ACYP2: variants seen among roughly 807,000 people sequenced by gnomAD.
The protein encoded by ACYP2 is acylphosphatase 2.
Under a neutral mutation model 11.2 loss-of-function variants are expected in ACYP2, and 12 were observed. The ratio of observed to expected loss-of-function variants is 1.08; its 90% CI spans 0.69 to 1.74. ACYP2 has a LOEUF of 1.74. Ranked by LOEUF, ACYP2 falls within the 40% of genes most tolerant of loss-of-function variation. ACYP2 has a pLI of 0.00. For missense variants in ACYP2, 134 were observed against 101.9 expected, an observed-to-expected ratio of 1.31 and a Z score of -1.35; for synonymous variants, 43 against 32.2, an observed-to-expected ratio of 1.33 and a Z score of -1.13.
At chr2:54,219,908 T>A (rs1290129819) in intron 6 of ACYP2, among the ~76,000 whole-genome samples, 19 of 132,156 alleles carry the variant, frequency 1.4e-4, no homozygotes, top group African/African-American at 2.7e-4. Flanking sequence ...TATATATATT[T>A]TTTTTTTTTT....
At chr2:54,244,768 CATA>C (rs998040222) in intron 6 of ACYP2, among the ~76,000 whole-genome samples, 114 of 152,172 alleles carry the variant, frequency 7.5e-4, no homozygotes, top group Middle Eastern at 3.4e-3. Context: ...TGAATTGACA[CATA>C]ATAATTGTAC....
intron 6 of ACYP2, among the ~76,000 whole-genome samples, chr2:54,283,416 C>T (rs1688930670): frequency 6.6e-6 from 1 of 152,198 alleles, no homozygotes; most frequent in Non-Finnish European, 1.5e-5. Context: ...TCATTGCATG[C>T]TTTCCATGCC....
intron 2 of ACYP2, among the ~76,000 whole-genome samples, chr2:54,015,677 AC>A (rs1296108569): frequency 1.5e-4 from 22 of 150,928 alleles, no homozygotes; most frequent in African/African-American, 3.9e-4. Flanking sequence ...ACACACACAC[AC>A]ACACACACAC....
chr2:53,998,365 CA>C (rs1365493194), intron 2 of ACYP2, among the ~76,000 whole-genome samples: 3 of 152,044 alleles, frequency 2.0e-5, no homozygotes, highest in Non-Finnish European at 4.4e-5. Context: ...ACTATAGGAT[CA>C]GGGGAAGGGT....
intron 4 of ACYP2, among the ~76,000 whole-genome samples, chr2:54,133,503 T>A (rs893205993): frequency 6.6e-6 from 1 of 152,192 alleles, no homozygotes; most frequent in African/African-American, 2.4e-5. Flanking sequence ...AAATAAAAAC[T>A]AAGTTGCAAT....
intron 6 of ACYP2, among the ~76,000 whole-genome samples, chr2:54,298,968 G>A (rs148622372): frequency 1.3e-5 from 2 of 152,052 alleles, no homozygotes; most frequent in Non-Finnish European, 2.9e-5. Flanking sequence ...GGCCAGGCTG[G>A]TCTTGAACTC....
chr2:54,144,590 CT>C (rs1681798943), intron 6 of ACYP2, among the ~76,000 whole-genome samples: 2 of 151,272 alleles, frequency 1.3e-5, no homozygotes, highest in East Asian at 3.9e-4. Flanking sequence ...AGGAGAATCG[CT>C]TGAACCCAGG....
At chr2:54,007,679 A>G (rs960606458) in intron 2 of ACYP2, among the ~76,000 whole-genome samples, 30 of 152,296 alleles carry the variant, frequency 2.0e-4, no homozygotes, top group African/African-American at 7.0e-4. Context: ...CATCTGGCCA[A>G]CATGCGGAAA....
At chr2:54,150,034 T>G (rs1682076251) in intron 6 of ACYP2, among the ~76,000 whole-genome samples, 1 of 152,202 alleles carries the variant, frequency 6.6e-6, no homozygotes, top group Non-Finnish European at 1.5e-5. Context: ...TGACAACAAG[T>G]TTTCCTGTAA....
At chr2:54,259,469 G>C (rs1477519775) in intron 6 of ACYP2, among the ~76,000 whole-genome samples, 2 of 152,212 alleles carry the variant, frequency 1.3e-5, no homozygotes, top group Non-Finnish European at 2.9e-5. Flanking sequence ...AGACTGAAGA[G>C]AGACCAGCAG....
chr2:54,190,721 C>T (rs1209572093), intron 6 of ACYP2, among the ~76,000 whole-genome samples: 1 of 152,012 alleles, frequency 6.6e-6, no homozygotes, highest in Non-Finnish European at 1.5e-5. Context: ...TTTCAGTCTC[C>T]TCTATAAATG....
At chr2:54,010,349 T>C (rs1673290494) in intron 2 of ACYP2, among the ~76,000 whole-genome samples, 1 of 152,082 alleles carries the variant, frequency 6.6e-6, no homozygotes, top group Non-Finnish European at 1.5e-5. Flanking sequence ...TTGGGTGTGG[T>C]GGTGGGCACC....
chr2:54,128,488 T>A (rs1327580087), intron 4 of ACYP2, among the ~76,000 whole-genome samples: 1 of 152,026 alleles, frequency 6.6e-6, no homozygotes, highest in Non-Finnish European at 1.5e-5. Context: ...AGCAGCATAG[T>A]CAGACTCCAT....
At chr2:53,973,427 C>T (rs754860648) in intron 1 of ACYP2, among the ~76,000 whole-genome samples, 23 of 152,028 alleles carry the variant, frequency 1.5e-4, no homozygotes, top group Non-Finnish European at 2.9e-4. Context: ...TGAAGATCCA[C>T]AAAAAAAGTG....
At chr2:54,154,803 G>A (rs571497555) in intron 6 of ACYP2, among the ~76,000 whole-genome samples, 1 of 152,298 alleles carries the variant, frequency 6.6e-6, no homozygotes, top group South Asian at 2.1e-4. Flanking sequence ...GAGTTCAAAA[G>A]TATTACATCC....
At chr2:54,172,438 A>C (rs2103852157) in intron 6 of ACYP2, among the ~76,000 whole-genome samples, 1 of 152,282 alleles carries the variant, frequency 6.6e-6, no homozygotes, top group African/African-American at 2.4e-5. Flanking sequence ...TTTTCTCCAA[A>C]TCATCAAAAC....
At chr2:54,014,203 G>A (rs1673554586) in intron 2 of ACYP2, among the ~76,000 whole-genome samples, 1 of 152,000 alleles carries the variant, frequency 6.6e-6, no homozygotes, top group African/African-American at 2.4e-5. Context: ...AAGGCAGGCA[G>A]GGCAGGTTGG....
chr2:54,039,741 TG>T (rs1675119811), intron 2 of ACYP2, among the ~76,000 whole-genome samples: 1 of 152,020 alleles, frequency 6.6e-6, no homozygotes, highest in South Asian at 2.1e-4. Flanking sequence ...GGAGGGTTTT[TG>T]AGCAGAAGAG....
intron 6 of ACYP2, among the ~76,000 whole-genome samples, chr2:54,166,243 T>C (rs1011967995): frequency 2.0e-5 from 3 of 152,222 alleles, no homozygotes; most frequent in Non-Finnish European, 4.4e-5. Flanking sequence ...CATTTGATTA[T>C]TACCTGTGTC....
Sources: allele counts gnomAD v4.1 joint callset (sites outside exome capture counted in the v4.1 genomes callset), GRCh38; gene constraint gnomAD v4.1.1; transcripts MANE v1.5; gene names NCBI Gene and HGNC (gene_info 2026-07-23, HGNC 2026-07-21).